The following ECT2 variants were observed in gnomAD, a reference collection of about 807,000 sequenced individuals.
ECT2 encodes the protein epithelial cell transforming 2.
Under a neutral mutation model 116.9 loss-of-function variants are expected in ECT2, and 61 were observed. The observed-to-expected ratio is 0.52, with a 90% CI of 0.42 to 0.65. The LOEUF is 0.65. Ranked by LOEUF, ECT2 falls within the 30% of genes least tolerant of loss-of-function variation. The pLI is 0.00. For synonymous variants in ECT2, 358 were observed against 346.4 expected (o/e 1.03, Z -0.37); for missense variants, 937 against 1,078.7 (o/e 0.87, Z 1.84).
At chr3:172,811,228 A>AT (rs1185513228) in intron 22 of ECT2, among the ~76,000 whole-genome samples, 1 of 152,158 alleles carries the variant, frequency 6.6e-6, no homozygotes, top group African/African-American at 2.4e-5. Context: ...TAAAGAGAGA[A>AT]TGAGAATTAT....
chr3:172,784,864 A>C lies in ECT2; in HGVS notation c.1825+61A>C. 4 of 1,049,458 alleles carry C rather than the reference A, an allele frequency of 3.8e-6. No individual in the cohort carries two copies. In the South Asian group the frequency reaches 7.5e-5, roughly 20 times the overall value. The allele number at this position is 1,049,458 out of a possible 1,614,324, so 65.0% of individuals were successfully genotyped here. A position where few individuals can be genotyped will look rare whatever the true frequency, so the allele number is the denominator to read the frequency against. On this transcript the variant is annotated intron_variant, in intron 17 of 24. Coordinates refer to ENST00000392692, the MANE Select transcript of ECT2 (RefSeq NM_001258315.2). ...TTTTAATGGAATTGTTTTTTCCAAA[A>C]AAGATGAATTTCTTCTCATTTTTAG...
chr3:172,793,289 C>G (rs918734920), intron 18 of ECT2, among the ~76,000 whole-genome samples: 3 of 151,888 alleles, frequency 2.0e-5, no homozygotes, highest in Non-Finnish European at 4.4e-5. Flanking sequence ...CCTCAGCCTC[C>G]GAGTAGCTGG....
chr3:172,757,995 C>T (rs1388787674), intron 5 of ECT2, among the ~76,000 whole-genome samples: 1 of 151,904 alleles, frequency 6.6e-6, no homozygotes. Flanking sequence ...GTAGCTGGGA[C>T]TGCAGGTGCA....
chr3:172,793,197 C>T (rs549834231), intron 18 of ECT2, among the ~76,000 whole-genome samples: 1 of 152,198 alleles, frequency 6.6e-6, no homozygotes, highest in East Asian at 1.9e-4. Flanking sequence ...GATGGAGTCT[C>T]ACTCTGTCTC....
chr3:172,761,802 C>A, intron 8 of ECT2, 119 bp downstream of exon 8: 1 of 548,096 alleles, frequency 1.8e-6, no homozygotes, highest in Non-Finnish European at 3.1e-6. Context: ...GTCTGAGTAG[C>A]TTGAGGAATA....
chr3:172,805,587 A>T (rs2109082967), intron 20 of ECT2, 144 bp from the exon 21 acceptor site: 1 of 766,634 alleles, frequency 1.3e-6, no homozygotes, highest in Non-Finnish European at 2.0e-6. Context: ...GTTACATAGT[A>T]ACTCTGCTTA....
the ECT2 span, among the ~76,000 whole-genome samples, chr3:172,827,172 T>C: frequency 6.6e-6 from 1 of 152,214 alleles, no homozygotes; most frequent in Admixed American, 6.5e-5. Context: ...GTGACCCTTG[T>C]ATATTGTTGA....
At chr3:172,768,698 T>G (rs1437128437) in intron 12 of ECT2, among the ~76,000 whole-genome samples, 1 of 152,202 alleles carries the variant, frequency 6.6e-6, no homozygotes, top group African/African-American at 2.4e-5. Flanking sequence ...TACACATTTG[T>G]TAGGTTGTCT....
intron 18 of ECT2, among the ~76,000 whole-genome samples, chr3:172,800,102 G>T (rs557095116): frequency 1.3e-5 from 2 of 152,190 alleles, no homozygotes; most frequent in Admixed American, 1.3e-4. Flanking sequence ...TAGCTTTGCT[G>T]TCAGAGAAAG....
chr3:172,763,679 A>G (rs1718776208), intron 11 of ECT2, among the ~76,000 whole-genome samples: 1 of 152,212 alleles, frequency 6.6e-6, no homozygotes, highest in Non-Finnish European at 1.5e-5. Flanking sequence ...ATCTTGGTGA[A>G]GAGTAGTATC....
chr3:172,819,290 G>C (rs1730323953), intron 24 of ECT2, among the ~76,000 whole-genome samples: 1 of 151,896 alleles, frequency 6.6e-6, no homozygotes. Flanking sequence ...TACCTTACTA[G>C]CTCTTACAGT....
intron 12 of ECT2, among the ~76,000 whole-genome samples, chr3:172,765,238 C>T (rs574656465): frequency 6.6e-6 from 1 of 152,262 alleles, no homozygotes; most frequent in South Asian, 2.1e-4. Context: ...CCTTTATGGA[C>T]ACAATTTTTT....
chr3:172,773,818 T>A, intron 13 of ECT2, 85 bp from the exon 14 acceptor site: 1 of 1,332,506 alleles, frequency 7.5e-7, no homozygotes. Context: ...TCTATTAATA[T>A]CTTGTGTCTC....
intron 22 of ECT2, among the ~76,000 whole-genome samples, chr3:172,814,249 TATA>T (rs1204138561): frequency 4.6e-5 from 7 of 152,176 alleles, no homozygotes; most frequent in African/African-American, 1.7e-4. Context: ...AATTGTTGAG[TATA>T]ATATTTAACA....
Position 172,764,414 on chromosome 3 carries a change from G to A in ECT2, c.1205G>A (p.Arg402His), listed in dbSNP as rs148663230. The A allele has an allele frequency of 1.1e-3, 1,850 of 1,614,050 alleles. 4 individuals carry two copies. Among genetic ancestry groups the A allele is most frequent in the Admixed American group, 1.6e-3 (95 of 60,010 alleles). The change falls in exon 12 of 25, where the codon CGT becomes CAT. Residue 402 changes from arginine (R) to histidine (H), a missense_variant. Coordinates refer to ENST00000392692, the MANE Select transcript of ECT2 (RefSeq NM_001258315.2). ...RETDVSPFPP[R>H]KRPSAEHSLS... is the part of the protein sequence containing the mutation. ...ACAGACGTGTCACCATTTCCACCCC[G>A]TAAGCGCCCATCAGCTGAGCATTCC...
intron 14 of ECT2, among the ~76,000 whole-genome samples, chr3:172,777,702 C>T (rs1198323068): frequency 6.6e-6 from 1 of 152,132 alleles, no homozygotes; most frequent in Non-Finnish European, 1.5e-5. Context: ...AGTTTGAGAC[C>T]AGCCTGGGCA....
chr3:172,818,697 A>G (rs929449655), intron 24 of ECT2: 71 of 1,289,088 alleles, frequency 5.5e-5, no homozygotes, highest in Non-Finnish European at 6.7e-5. Context: ...CAGAGATACT[A>G]GAAGGAAATA....
chr3:172,767,180 C>T (rs1036463952), intron 12 of ECT2, among the ~76,000 whole-genome samples: 1 of 152,266 alleles, frequency 6.6e-6, no homozygotes, highest in South Asian at 2.1e-4. Flanking sequence ...CGGTGGCCCA[C>T]GCCTGTAATC....
Position 172,757,026 on chromosome 3 carries a change from T to C in ECT2, c.347T>C (p.Phe116Ser). ...GTAAAGATGGAGTCAGTGGAAGAAT[T>C]TGAAGGTTTGGATTCTCCGGAATTT... is the stretch of plus-strand genomic sequence containing the variant. ...GFVKMESVEE[F>S]EGLDSPEFEN... The change falls in exon 5 of 25, where the codon TTT becomes TCT. Residue 116 changes from phenylalanine to serine, a missense_variant. Transcript: ENST00000392692. The C allele has an allele frequency of 1.9e-6, 3 of 1,609,518 alleles. No individual in the cohort carries two copies. The South Asian group carries it at 3.3e-5, about 18-fold the overall frequency.
Sources: gnomAD v4.1 joint callset for allele counts (sites outside exome capture counted in the v4.1 genomes callset) on GRCh38, gnomAD v4.1.1 for gene constraint, MANE v1.5 for transcripts, NCBI Gene and HGNC (gene_info 2026-07-23, HGNC 2026-07-21) for gene names.